The following WWP1 variants were observed in gnomAD, a reference collection of about 807,000 sequenced individuals.
The protein encoded by WWP1 is NEDD4-like E3 ubiquitin-protein ligase WWP1.
A neutral mutation model predicts 130.6 loss-of-function variants in WWP1; 49 were observed. The ratio of observed to expected loss-of-function variants is 0.38; its 90% confidence interval spans 0.30 to 0.48. The LOEUF (loss-of-function observed/expected upper bound fraction) is 0.48, where lower values mean the gene tolerates loss of function less well. Ranked by LOEUF, WWP1 falls within the 20% of genes least tolerant of loss-of-function variation. The probability of loss-of-function intolerance (pLI) is 0.99; values close to 1 mark genes in which losing one functional copy is unlikely to be tolerated. For synonymous variants in WWP1, 332 were observed against 367.8 expected (o/e 0.90, Z 1.11); for missense variants, 809 against 1,100.6 (o/e 0.74, Z 3.75).
intron 22 of WWP1, among the ~76,000 whole-genome samples, chr8:86,460,368 CA>C (rs1433362768): frequency 6.6e-6 from 1 of 152,164 alleles, no homozygotes; most frequent in African/African-American, 2.4e-5. Context: ...GACTTGAGTT[CA>C]AATGTTAGTT....
intron 16 of WWP1, among the ~76,000 whole-genome samples, 193 bp downstream of exon 16, chr8:86,435,897 G>A (rs957611316): frequency 4.6e-5 from 7 of 151,882 alleles, no homozygotes; most frequent in African/African-American, 7.3e-5. Context: ...ATGGAATTTC[G>A]CCATGTTGCC....
At chr8:86,464,765 G>A (rs1229687744) in intron 24 of WWP1, among the ~76,000 whole-genome samples, 1 of 152,050 alleles carries the variant, frequency 6.6e-6, no homozygotes, top group Admixed American at 6.6e-5. Context: ...GTCCTGCCTT[G>A]GCCTCTGAAA....
chr8:86,464,281 A>G (rs1563557624), intron 24 of WWP1, among the ~76,000 whole-genome samples: 2 of 152,176 alleles, frequency 1.3e-5, no homozygotes, highest in Admixed American at 6.5e-5. Context: ...GTACAACTAG[A>G]TATCAAAATC....
At chr8:86,463,139 C>G (rs901903683) in intron 24 of WWP1, among the ~76,000 whole-genome samples, 3 of 152,034 alleles carry the variant, frequency 2.0e-5, no homozygotes, top group Admixed American at 2.0e-4. Context: ...AATGACCCAC[C>G]AACAGTTTAT....
chr8:86,404,063 A>C (rs1462456566), intron 8 of WWP1, among the ~76,000 whole-genome samples: 1 of 152,212 alleles, frequency 6.6e-6, no homozygotes, highest in African/African-American at 2.4e-5. Context: ...AAAAATCTCA[A>C]ATCTGAAATG....
At chr8:86,396,521 G>T (rs1376787114) in intron 5 of WWP1, among the ~76,000 whole-genome samples, 1 of 150,002 alleles carries the variant, frequency 6.7e-6, no homozygotes, top group Non-Finnish European at 1.5e-5. Context: ...GCTACAAATG[G>T]TTGGGGTATT....
intron 8 of WWP1, among the ~76,000 whole-genome samples, chr8:86,409,773 C>T (rs1439050338): frequency 6.6e-6 from 1 of 151,738 alleles, no homozygotes; most frequent in Non-Finnish European, 1.5e-5. Flanking sequence ...GGAAGGAGAA[C>T]CGTTTGAACC....
In WWP1 at chr8:86,431,394, T is replaced by C; in HGVS notation, c.1388-12T>C. Reference sequence around the variant, plus strand: ...AATAGTTATTAAATATTATACTCACTTTATATTTCAGAAAAAAGAGTGGAT... The same window carrying C: ...AATAGTTATTAAATATTATACTCACCTTATATTTCAGAAAAAAGAGTGGAT... On this transcript the variant is annotated splice_polypyrimidine_tract_variant and intron_variant, in intron 12 of 24. Coordinates refer to ENST00000517970, the MANE Select transcript of WWP1 (RefSeq NM_007013.4). The C allele has an allele frequency of 6.4e-7, 1 of 1,569,214 alleles. No individual in the cohort carries two copies. Among genetic ancestry groups the C allele is most frequent in the Non-Finnish European group, 8.7e-7 (1 of 1,151,364 alleles).
At chr8:86,347,228 C>T (rs903975071) in intron 1 of WWP1, among the ~76,000 whole-genome samples, 1 of 152,132 alleles carries the variant, frequency 6.6e-6, no homozygotes, top group Non-Finnish European at 1.5e-5. Flanking sequence ...ACTCGTGGCC[C>T]TCCCACCATG....
At chr8:86,403,013 A>G (rs1021095991) in intron 8 of WWP1, among the ~76,000 whole-genome samples, 3 of 152,256 alleles carry the variant, frequency 2.0e-5, no homozygotes, top group African/African-American at 7.2e-5. Context: ...CCTAAGGAAG[A>G]TGTCCTCTAT....
rs1339774391 is a variant in WWP1, at chr8:86,342,800, T to A, written c.-245T>A. The stretch of plus-strand genomic sequence containing the variant: ...GGCCTGGGCTGCCGGGGCCGACGCC[T>A]GGGTGGCTGCTGCCGCCGCGCCTGC... On this transcript the variant is annotated 5_prime_UTR_variant, in exon 1 of 25. Coordinates refer to ENST00000517970, the MANE Select transcript of WWP1 (RefSeq NM_007013.4). The A allele has an allele frequency of 2.7e-6, 1 of 364,390 alleles. No homozygotes were observed. Among genetic ancestry groups the A allele is most frequent in the Non-Finnish European group, 4.9e-6 (1 of 204,246 alleles). 22.6% of individuals were successfully genotyped at this position (364,390 alleles called of 1,614,324 possible). A position where few individuals can be genotyped will look rare whatever the true frequency, so the allele number is the denominator to read the frequency against.
intron 5 of WWP1, among the ~76,000 whole-genome samples, chr8:86,384,315 T>C (rs933168671): frequency 2.0e-5 from 3 of 152,232 alleles, no homozygotes; most frequent in Non-Finnish European, 4.4e-5. Flanking sequence ...TTAAATCTCA[T>C]GATAGTATCA....
At chr8:86,393,039 AT>A (rs1807445376) in intron 5 of WWP1, among the ~76,000 whole-genome samples, 1 of 152,140 alleles carries the variant, frequency 6.6e-6, no homozygotes, top group African/African-American at 2.4e-5. Context: ...CATTTCTTTG[AT>A]TATTAATAAG....
At position 86,411,523 on chromosome 8, in the gene WWP1, A is replaced by AT; in HGVS notation, c.725-11dup. 1.9e-6 allele frequency: 3 copies of AT among 1,598,098 alleles called. No individual in the cohort carries two copies. Among genetic ancestry groups the AT allele is most frequent in the Non-Finnish European group, 2.6e-6 (3 of 1,170,136 alleles). ...CATTACTTGATAGATGATTTTATTA[A>AT]TTTTCCCTTCTCAGTTAATGGAGAA... On this transcript the variant is annotated splice_polypyrimidine_tract_variant and intron_variant, in intron 8 of 24. Transcript: ENST00000517970.
intron 1 of WWP1, among the ~76,000 whole-genome samples, chr8:86,353,270 C>G (rs1823053707): frequency 6.6e-6 from 1 of 152,174 alleles, no homozygotes; most frequent in South Asian, 2.1e-4. Context: ...CGGGCTACTT[C>G]ACTTAAACCC....
intron 9 of WWP1, among the ~76,000 whole-genome samples, chr8:86,415,753 T>C (rs1586399317): frequency 6.6e-6 from 1 of 152,226 alleles, no homozygotes; most frequent in Admixed American, 6.5e-5. Context: ...GTATGAACTC[T>C]TTTGAGTAGG....
intron 5 of WWP1, among the ~76,000 whole-genome samples, chr8:86,389,637 A>C (rs897114028): frequency 6.6e-6 from 1 of 152,104 alleles, no homozygotes; most frequent in African/African-American, 2.4e-5. Context: ...AACCCCCATC[A>C]TCATCATGGC....
At chr8:86,441,827 T>C (rs959006845) in intron 17 of WWP1, among the ~76,000 whole-genome samples, 1 of 152,206 alleles carries the variant, frequency 6.6e-6, no homozygotes, top group Non-Finnish European at 1.5e-5. Context: ...CCCCTTGTAC[T>C]TACAGATTAC....
At chr8:86,394,241 C>T (rs1240939813) in intron 5 of WWP1, among the ~76,000 whole-genome samples, 1 of 152,116 alleles carries the variant, frequency 6.6e-6, no homozygotes, top group Non-Finnish European at 1.5e-5. Context: ...GAACAGATTA[C>T]CTAGTTATAT....
Sources: gnomAD v4.1 joint callset for allele counts (sites outside exome capture counted in the v4.1 genomes callset) on GRCh38, gnomAD v4.1.1 for gene constraint, MANE v1.5 for transcripts, NCBI Gene and HGNC (gene_info 2026-07-23, HGNC 2026-07-21) for gene names.